The following SPATC1 variants were observed in gnomAD, a reference collection of about 807,000 sequenced individuals.
SPATC1 encodes the protein spermatogenesis and centriole associated 1.
In SPATC1, 35 loss-of-function variants were observed where a neutral mutation model predicts 36.5. The ratio of observed to expected loss-of-function variants is 0.96; its 90% CI spans 0.73 to 1.27. The LOEUF is 1.27. Among genes scored for constraint, SPATC1 ranks in the 50% most tolerant of loss-of-function variants. SPATC1 has a pLI of 0.00. For synonymous variants in SPATC1, 361 were observed against 353.6 expected, an observed-to-expected ratio of 1.02 and a Z score of -0.24; for missense variants, 779 against 796.0, an observed-to-expected ratio of 0.98 and a Z score of 0.26.
chr8:144,040,495 G>GT (rs1184266338), intron 2 of SPATC1, 32 bp downstream of exon 2: 1 of 1,563,960 alleles, frequency 6.4e-7, no homozygotes, highest in Non-Finnish European at 8.7e-7. Context: ...GGGTGGCAGA[G>GT]TGGGGGGGGG....
chr8:144,022,400 C>A (rs1460543192), intron 1 of SPATC1, among the ~76,000 whole-genome samples: 313 of 4,854 alleles, frequency 0.064, 2 homozygotes, highest in Middle Eastern at 0.25. Context: ...TCTCTTCCCT[C>A]AGAACTTTTC....
intron 1 of SPATC1, 30 bp downstream of exon 1, chr8:144,012,756 G>A (rs1554752651): frequency 1.9e-6 from 3 of 1,550,098 alleles, no homozygotes; most frequent in Non-Finnish European, 2.6e-6. Context: ...AGAGAGTGAG[G>A]AGGGAAGTGG....
At chr8:144,032,101 T>G (rs1040285636) in intron 1 of SPATC1, among the ~76,000 whole-genome samples, 1 of 152,114 alleles carries the variant, frequency 6.6e-6, no homozygotes, top group Admixed American at 6.6e-5. Flanking sequence ...TTAGAGTATG[T>G]TGCTATGCTT....
chr8:144,025,160 T>C (rs1389968979), intron 1 of SPATC1, among the ~76,000 whole-genome samples: 2 of 151,440 alleles, frequency 1.3e-5, no homozygotes, highest in African/African-American at 4.9e-5. Context: ...CAGGATCATT[T>C]CACCTCAGGA....
At chr8:144,019,848 C>T (rs957191583) in intron 1 of SPATC1, among the ~76,000 whole-genome samples, 2 of 152,006 alleles carry the variant, frequency 1.3e-5, no homozygotes, top group East Asian at 3.9e-4. Context: ...CTCCCTCACC[C>T]GAGCCCACAC....
chr8:144,036,699 GAT>G (rs1262608680), intron 1 of SPATC1, among the ~76,000 whole-genome samples: 2 of 152,084 alleles, frequency 1.3e-5, no homozygotes, highest in African/African-American at 4.8e-5. Context: ...GCTCTGAAGA[GAT>G]AGAAGTAGTG....
At chr8:144,019,668 G>T (rs931130298) in intron 1 of SPATC1, among the ~76,000 whole-genome samples, 2 of 152,110 alleles carry the variant, frequency 1.3e-5, no homozygotes, top group East Asian at 3.9e-4. Context: ...CACTAAAACA[G>T]TAACTGCACT....
intron 1 of SPATC1, among the ~76,000 whole-genome samples, chr8:144,026,544 C>T (rs1834681651): frequency 1.3e-5 from 2 of 152,096 alleles, no homozygotes; most frequent in African/African-American, 2.4e-5. Context: ...TCAAAGCCGC[C>T]GCACCATTTC....
intron 1 of SPATC1, among the ~76,000 whole-genome samples, chr8:144,025,652 C>T (rs1834662617): frequency 6.6e-6 from 1 of 152,202 alleles, no homozygotes; most frequent in East Asian, 1.9e-4. Flanking sequence ...TCTCCCTCCA[C>T]CCATGGCATC....
In SPATC1 at chr8:144,040,420, G is replaced by A; in HGVS notation, c.723G>A (p.Gly241=). ...LAEPLRGGPT[G]PQSPACVVPT... ...AGCCACTCCGCGGAGGCCCCACTGG[G>A]CCCCAGTCCCCAGCTTGCGTGGTAC... Residue 241 remains glycine (G), a synonymous_variant, in exon 2 of 5, where the codon GGG becomes GGA. Coordinates refer to ENST00000377470, the MANE Select transcript of SPATC1 (RefSeq NM_198572.3). 1.2e-6 allele frequency: 2 copies of A among 1,609,142 alleles called. No individual in the cohort carries two copies. Among genetic ancestry groups the A allele is most frequent in the East Asian group, 4.5e-5 (2 of 44,848 alleles).
intron 1 of SPATC1, among the ~76,000 whole-genome samples, chr8:144,015,041 A>AT (rs1834355259): frequency 1.3e-5 from 2 of 151,792 alleles, no homozygotes; most frequent in Admixed American, 1.3e-4. Flanking sequence ...AAATATTTAA[A>AT]ATTTTTTTTT....
chr8:144,023,076 G>A (rs1331969807), intron 1 of SPATC1, among the ~76,000 whole-genome samples: 35 of 146,956 alleles, frequency 2.4e-4, no homozygotes, highest in African/African-American at 8.3e-4. Context: ...CTCCCCTAAG[G>A]ACCCTCTCTC....
At chr8:144,019,159 C>T (rs1261069987) in intron 1 of SPATC1, among the ~76,000 whole-genome samples, 1 of 152,026 alleles carries the variant, frequency 6.6e-6, no homozygotes, top group Admixed American at 6.6e-5. Context: ...GCAAAGGCAG[C>T]AGCCATCAAT....
intron 1 of SPATC1, among the ~76,000 whole-genome samples, chr8:144,019,864 C>T (rs1418057281): frequency 3.3e-5 from 5 of 152,098 alleles, no homozygotes; most frequent in South Asian, 2.1e-4. Flanking sequence ...CACACACCTA[C>T]CTGAGGATCC....
At chr8:144,044,819 T>G (rs537511790) in intron 4 of SPATC1, among the ~76,000 whole-genome samples, 60 of 152,110 alleles carry the variant, frequency 3.9e-4, no homozygotes, top group African/African-American at 1.2e-3. Context: ...CGTGGAGGCA[T>G]ACGCCTGTAA....
chr8:144,035,617 G>A (rs1834883075), intron 1 of SPATC1, among the ~76,000 whole-genome samples: 1 of 152,218 alleles, frequency 6.6e-6, no homozygotes, highest in African/African-American at 2.4e-5. Context: ...AAACAGACCG[G>A]GCCATTTCCC....
At chr8:144,043,683 A>G (rs532142838) in intron 4 of SPATC1, among the ~76,000 whole-genome samples, 7 of 147,148 alleles carry the variant, frequency 4.8e-5, no homozygotes, top group Admixed American at 1.4e-4. Flanking sequence ...CCTATGGACT[A>G]CATTTTTTTT....
At chr8:144,024,865 C>A (rs1413591369) in intron 1 of SPATC1, among the ~76,000 whole-genome samples, 1 of 16,972 alleles carries the variant, frequency 5.9e-5, no homozygotes, top group African/African-American at 1.9e-4. Flanking sequence ...CCCTGAGGAA[C>A]CTTTCCTTTC....
At chr8:144,034,958 A>G (rs1180201932) in intron 1 of SPATC1, among the ~76,000 whole-genome samples, 2 of 152,218 alleles carry the variant, frequency 1.3e-5, no homozygotes, top group South Asian at 4.1e-4. Flanking sequence ...CACTTGATGT[A>G]ACAATTTTAA....
Sources: allele counts gnomAD v4.1 joint callset (sites outside exome capture counted in the v4.1 genomes callset), GRCh38; gene constraint gnomAD v4.1.1; transcripts MANE v1.5; gene names NCBI Gene and HGNC (gene_info 2026-07-23, HGNC 2026-07-21).